KLK4: variants seen among roughly 807,000 people sequenced by gnomAD.
KLK4 encodes kallikrein related peptidase 4.
KLK4 carries 24 observed loss-of-function variants against 24.3 expected under a neutral mutation model. The observed-to-expected ratio is 0.99, with a 90% CI of 0.72 to 1.39. KLK4 has a LOEUF of 1.39. Among genes scored for constraint, KLK4 ranks in the 40% most tolerant of loss-of-function variants. KLK4 has a pLI of 0.00. For missense variants in KLK4, 344 were observed against 327.4 expected (o/e 1.05, Z -0.39); for synonymous variants, 142 against 138.8 (o/e 1.02, Z -0.16).
At chr19:50,909,077 A>G (rs1386147362) in intron 3 of KLK4, 175 bp downstream of exon 3, 1 of 1,478,398 alleles carries the variant, frequency 6.8e-7, no homozygotes, top group African/African-American at 1.5e-5. Flanking sequence ...AGTCCTTCCG[A>G]AGCAAGATTC....
chr19:50,910,978 T>C lies in KLK4; in HGVS notation c.-11-229A>G, dbSNP rs1205053716. On this transcript the variant is annotated intron_variant, in intron 1 of 5. Coordinates refer to ENST00000324041, the Ensembl canonical transcript of KLK4. This position sits in a 1 kb window ranked among gnomAD's most constrained non-coding sequence, Gnocchi z 4.4. ...GGGAAAAGAGAGAGAGAGAGAGAAC[T>C]AGGTAGAAAGGAAAGTTTAGAGAAA... Among the ~76,000 whole-genome samples the C allele has an allele frequency of 2.7e-5, 4 of 150,074 alleles. No individual in the cohort carries two copies. Among genetic ancestry groups the C allele is most frequent in the African/African-American group, 9.8e-5 (4 of 40,654 alleles).
At position 50,910,340 on chromosome 19, in the gene KLK4, T is replaced by C. The variant is rs1027294833; in HGVS notation, c.61+338A>G. 2.6e-5 allele frequency among the ~76,000 whole-genome samples: 4 copies of C among 151,808 alleles called. No individual in the cohort carries two copies. The highest frequency in any genetic ancestry group is 4.4e-5 in the Non-Finnish European group (3 of 67,926). The stretch of plus-strand genomic sequence containing the variant: ...TGAAGACCCAGGAAGCAGGCACAGA[T>C]TCCCAGCAATGGATCACGCCCCAGG... On this transcript the variant is annotated intron_variant, in intron 2 of 5. Transcript: ENST00000324041. This position sits in a 1 kb window ranked among gnomAD's most constrained non-coding sequence, Gnocchi z 4.4.
rs958793943 is a variant in KLK4, at chr19:50,910,345, A to G, written c.61+333T>C. ...ACCCAGGAAGCAGGCACAGATTCCC[A>G]GCAATGGATCACGCCCCAGGAAGCA... On this transcript the variant is annotated intron_variant, in intron 2 of 5. Coordinates refer to ENST00000324041, the Ensembl canonical transcript of KLK4. The surrounding 1 kb of genome is among the most constrained non-coding windows in gnomAD (Gnocchi z 4.4). 1.4e-4 allele frequency among the ~76,000 whole-genome samples: 21 copies of G among 152,050 alleles called. No homozygotes were observed. The highest frequency in any genetic ancestry group is 5.1e-4 in the African/African-American group (21 of 41,388).
Position 50,910,566 on chromosome 19 carries a change from G to A in KLK4, c.61+112C>T, listed in dbSNP as rs1013938448. 2.8e-5 allele frequency: 27 copies of A among 965,584 alleles called. No individual in the cohort carries two copies. Among genetic ancestry groups the A allele is most frequent in the Middle Eastern group, 4.1e-4 (2 of 4,884 alleles). 59.8% of individuals were successfully genotyped at this position (965,584 alleles called of 1,614,324 possible). ...CATGGGGGACGGATAACACGGTACC[G>A]TCTCACAGGCAGCTTTGCAGTCACA... is the stretch of plus-strand genomic sequence containing the variant. On this transcript the variant is annotated intron_variant, in intron 2 of 5. Transcript: ENST00000324041. This position sits in a 1 kb window ranked among gnomAD's most constrained non-coding sequence, Gnocchi z 4.4.
At position 50,910,476 on chromosome 19, in the gene KLK4, C is replaced by T. The variant is rs2090478391; in HGVS notation, c.61+202G>A. Among the ~76,000 whole-genome samples the T allele has an allele frequency of 1.3e-5, 2 of 152,080 alleles. No individual in the cohort carries two copies. Among genetic ancestry groups the T allele is most frequent in the South Asian group, 4.2e-4 (2 of 4,814 alleles). ...AACTGTCAGAGTCTCACAGGTACAA[C>T]CACACACCCAGGCACACTGCCACAC... On this transcript the variant is annotated intron_variant, in intron 2 of 5. Transcript: ENST00000324041. This position sits in a 1 kb window ranked among gnomAD's most constrained non-coding sequence, Gnocchi z 4.4.
chr19:50,906,844 T>C, exon 6 of KLK4: 1 of 1,537,208 alleles, frequency 6.5e-7, no homozygotes, highest in East Asian at 2.2e-5. Flanking sequence ...CTCCTGGGCC[T>C]GAGGGAGGAG....
chr19:50,910,752 G>A lies in KLK4; in HGVS notation c.-11-3C>T. The A allele has an allele frequency of 6.4e-7, 1 of 1,551,678 alleles. No individual in the cohort carries two copies. The highest frequency in any genetic ancestry group is 8.7e-7 in the Non-Finnish European group (1 of 1,146,814). ...TGCTGTGGCCATCACGTCAGCACCT[G>A]GGGATGAGGACTGAGACTTAGCCGT... On this transcript the variant is annotated splice_polypyrimidine_tract_variant and splice_region_variant and intron_variant, in intron 1 of 5. Transcript: ENST00000324041. The surrounding 1 kb of genome is among the most constrained non-coding windows in gnomAD (Gnocchi z 4.4).
exon 6 of KLK4, chr19:50,906,933 G>A (rs185837075): frequency 2.0e-5 from 33 of 1,614,160 alleles, no homozygotes; most frequent in East Asian, 2.2e-5. Context: ...AGTCCCCAGA[G>A]TTAACTGGCC....
intron 2 of KLK4, among the ~76,000 whole-genome samples, chr19:50,909,798 G>T (rs1297553623): frequency 6.6e-6 from 1 of 151,820 alleles, no homozygotes; most frequent in African/African-American, 2.4e-5. Context: ...GCCTGGTCAG[G>T]GATTCAGGGT....
rs1225872111 is a variant in KLK4, at chr19:50,910,396, C to T, written c.61+282G>A. On this transcript the variant is annotated intron_variant, in intron 2 of 5. Coordinates refer to ENST00000324041, the Ensembl canonical transcript of KLK4. This position sits in a 1 kb window ranked among gnomAD's most constrained non-coding sequence, Gnocchi z 4.4. ...CAATCTCCTGCACCCTCGGCTTCCC[C>T]TGTCCCCATATCATCATTACACTGT... Among the ~76,000 whole-genome samples, 1 of 152,046 alleles carries T rather than the reference C, an allele frequency of 6.6e-6. No homozygotes were observed. The highest frequency in any genetic ancestry group is 2.4e-5 in the African/African-American group (1 of 41,362).
At chr19:50,909,271 C>T in exon 3 of KLK4, 1 of 1,614,190 alleles carries the variant, frequency 6.2e-7, no homozygotes, top group Non-Finnish European at 8.5e-7. Flanking sequence ...CAGTGTGCGG[C>T]TGACAGCACC....
rs1410607661 is a variant in KLK4, at chr19:50,907,071, GC to G, written c.627del (p.Leu211Ter). On this transcript the variant is annotated frameshift_variant, in exon 6 of 6. Transcript: ENST00000324041. LOFTEE classifies it low-confidence loss of function (END_TRUNC). ...TGCAAGTACCCGTTGCAGATCAGGG[GC>G]CCCCCAGAGTCACCCTGTTGTGAAG... is the stretch of plus-strand genomic sequence containing the variant. 1.9e-6 allele frequency: 3 copies of G among 1,614,072 alleles called. No individual in the cohort carries two copies. The highest frequency in any genetic ancestry group is 1.1e-5 in the South Asian group (1 of 91,082).
chr19:50,907,752 C>G (rs942342224), intron 5 of KLK4, among the ~76,000 whole-genome samples: 2 of 152,146 alleles, frequency 1.3e-5, no homozygotes, highest in African/African-American at 4.8e-5. Context: ...TGTTTCACCT[C>G]TATGAATCTG....
chr19:50,909,376 C>T (rs756729711), exon 3 of KLK4: 1 of 1,614,142 alleles, frequency 6.2e-7, no homozygotes, highest in South Asian at 1.1e-5. Context: ...CAGTCCTCGC[C>T]GTTTATGATT....
chr19:50,910,661 C>T lies in KLK4; in HGVS notation c.61+17G>A. On this transcript the variant is annotated intron_variant, in intron 2 of 5. Coordinates refer to ENST00000324041, the Ensembl canonical transcript of KLK4. The surrounding 1 kb of genome is among the most constrained non-coding windows in gnomAD (Gnocchi z 4.4). ...GCCCCCAAGCACGGACAGACACACACACGCATACTCAGATACCTGCGACAC... is the reference window on the plus strand; with the variant it reads ...GCCCCCAAGCACGGACAGACACACATACGCATACTCAGATACCTGCGACAC... The T allele has an allele frequency of 6.4e-7, 1 of 1,552,584 alleles. No homozygotes were observed. The highest frequency in any genetic ancestry group is 2.4e-5 in the East Asian group (1 of 41,144).
intron 2 of KLK4, among the ~76,000 whole-genome samples, chr19:50,909,640 G>C (rs1163075598): frequency 2.6e-5 from 4 of 151,594 alleles, no homozygotes; most frequent in East Asian, 1.9e-4. Flanking sequence ...GACTCTTGGG[G>C]GGCCGAGTCA....
chr19:50,909,402 G>C (rs1465996063), exon 3 of KLK4: 2 of 1,614,018 alleles, frequency 1.2e-6, no homozygotes, highest in Non-Finnish European at 1.7e-6. Context: ...GCAGCTACCA[G>C]AGACGAGCGA....
rs1228080624 is a variant in KLK4 at position 50,910,049 on chromosome 19, A to G, written c.61+629T>C. 6.6e-6 allele frequency among the ~76,000 whole-genome samples: 1 copy of G among 152,038 alleles called. No individual in the cohort carries two copies. The highest frequency in any genetic ancestry group is 1.5e-5 in the Non-Finnish European group (1 of 67,982). Reference sequence around the variant, plus strand: ...CAAAGCCACGGTCAGGAGGGGTTCAACAGAGGAGTCTAGGCTCATAGCAGT... The same window carrying G: ...CAAAGCCACGGTCAGGAGGGGTTCAGCAGAGGAGTCTAGGCTCATAGCAGT... On this transcript the variant is annotated intron_variant, in intron 2 of 5. Transcript: ENST00000324041. This position sits in a 1 kb window ranked among gnomAD's most constrained non-coding sequence, Gnocchi z 4.4.
Position 50,908,495 on chromosome 19 carries a change from C to T in KLK4, c.476G>A (p.Gly159Asp), listed in dbSNP as rs34626614. 3.2e-3 allele frequency: 5,182 copies of T among 1,614,174 alleles called. 126 individuals carry two copies. In the African/African-American group the frequency reaches 0.057, roughly 18 times the overall value. Reference sequence around the variant, plus strand: ...GCACTGCAGCACGGTAGGCATTCTGCCTGGGACGCAGAGCTCTGGGTCAGC... The same window carrying T: ...GCACTGCAGCACGGTAGGCATTCTGTCTGGGACGCAGAGCTCTGGGTCAGC... The change falls in exon 5 of 6, where the codon GGC becomes GAC. Residue 159 changes from glycine to aspartate, a missense_variant and splice_region_variant. Coordinates refer to ENST00000324041, the Ensembl canonical transcript of KLK4.
Sources: allele counts gnomAD v4.1 joint callset (sites outside exome capture counted in the v4.1 genomes callset), GRCh38; gene constraint gnomAD v4.1.1; non-coding constraint Gnocchi (gnomAD v3.1); transcripts MANE v1.5; gene names NCBI Gene and HGNC (gene_info 2026-07-23, HGNC 2026-07-21).